Variants in PRH1 observed in about 807,000 individuals in gnomAD.
The protein encoded by PRH1 is salivary acidic proline-rich phosphoprotein 1/2.
PRH1 carries 7 observed loss-of-function variants against 7.9 expected under a neutral mutation model. The observed-to-expected ratio is 0.89, with a 90% CI of 0.50 to 1.67. PRH1 has a LOEUF of 1.67. Ranked by LOEUF, PRH1 falls within the 40% of genes most tolerant of loss-of-function variation. The probability of loss-of-function intolerance (pLI) is 0.00; values close to 1 mark genes in which losing one functional copy is unlikely to be tolerated. For missense variants in PRH1, 109 were observed against 223.6 expected (o/e 0.49, Z 3.27); for synonymous variants, 45 against 80.8 (o/e 0.56, Z 2.38).
chr12:11,037,530 G>T (rs186737976), intron 1 of PRH1, among the ~76,000 whole-genome samples: 1,591 of 152,036 alleles, frequency 0.01, 30 homozygotes, highest in African/African-American at 0.036. Context: ...ACACATTTTT[G>T]GATATATTTA....
At chr12:10,884,295 A>G (rs1167694230), upstream of PRH1, 2 of 1,597,232 alleles carry the variant, frequency 1.3e-6, no homozygotes, top group Admixed American at 1.7e-5. Flanking sequence ...GACAAGCAGG[A>G]CAATGGTGCA....
intron 1 of PRH1, among the ~76,000 whole-genome samples, chr12:10,989,464 T>C (rs11054134): frequency 2.6e-5 from 4 of 151,998 alleles, no homozygotes; most frequent in African/African-American, 7.2e-5. Flanking sequence ...CATAGAAAGA[T>C]AATTACAGGG....
At chr12:11,147,320 T>A (rs544181647) in intron 1 of PRH1, among the ~76,000 whole-genome samples, 4 of 152,164 alleles carry the variant, frequency 2.6e-5, no homozygotes, top group African/African-American at 7.2e-5. Flanking sequence ...ACTGAGTAGC[T>A]GTGACTACAG....
At chr12:10,914,866 C>T (rs1342967856) in intron 2 of PRH1, among the ~76,000 whole-genome samples, 5 of 152,170 alleles carry the variant, frequency 3.3e-5, no homozygotes, top group East Asian at 1.9e-4. Flanking sequence ...CGGTGGCTCA[C>T]GCCTGTAATC....
chr12:10,883,541 A>T (rs1283040013), intron 1 of PRH1, among the ~76,000 whole-genome samples: 2 of 152,092 alleles, frequency 1.3e-5, no homozygotes, highest in Admixed American at 6.5e-5. Flanking sequence ...GCCCTCTTTC[A>T]TCTGTAAATA....
At chr12:11,056,839 G>A (rs1437262938) in intron 1 of PRH1, among the ~76,000 whole-genome samples, 1 of 127,722 alleles carries the variant, frequency 7.8e-6, no homozygotes, top group African/African-American at 2.7e-5. Context: ...AACAAAAAAA[G>A]CAGATGATAA....
intron 1 of PRH1, among the ~76,000 whole-genome samples, chr12:11,018,686 G>A (rs368125518): frequency 5.4e-5 from 5 of 92,696 alleles, no homozygotes; most frequent in Non-Finnish European, 1.1e-4. Flanking sequence ...GAAAGTGAAC[G>A]TTTTATAAAG....
At chr12:11,160,491 G>C (rs1409335072) in intron 1 of PRH1, among the ~76,000 whole-genome samples, 1 of 152,070 alleles carries the variant, frequency 6.6e-6, no homozygotes, top group East Asian at 1.9e-4. Context: ...GTTTTTTTGA[G>C]ACAGAGTGAG....
chr12:11,044,880 T>A (rs1942848699), intron 1 of PRH1, among the ~76,000 whole-genome samples: 1 of 152,152 alleles, frequency 6.6e-6, no homozygotes, highest in African/African-American at 2.4e-5. Flanking sequence ...GTAAAACCAC[T>A]ATGGAAAACC....
chr12:11,070,026 C>T (rs1468256451), intron 1 of PRH1, among the ~76,000 whole-genome samples: 8 of 152,226 alleles, frequency 5.3e-5, no homozygotes, highest in South Asian at 2.1e-4. Context: ...TTTTACAGTA[C>T]GTAGTTAGTC....
At chr12:11,150,936 G>C (rs556975377) in intron 1 of PRH1, among the ~76,000 whole-genome samples, 1 of 152,072 alleles carries the variant, frequency 6.6e-6, no homozygotes, top group East Asian at 1.9e-4. Flanking sequence ...TTTGTTTTTT[G>C]CCAACTGTGT....
intron 1 of PRH1, chr12:11,166,480 A>G (rs1257673942): frequency 6.6e-6 from 1 of 152,188 alleles, no homozygotes; most frequent in Non-Finnish European, 1.5e-5. Context: ...GCTATTGCCC[A>G]ATATCAGAGT....
chr12:10,882,678 A>G lies in PRH1; in HGVS notation c.121T>C (p.Phe41Leu). 6.4e-7 allele frequency: 1 copy of G among 1,556,772 alleles called. No homozygotes were observed. The highest frequency in any genetic ancestry group is 8.7e-7 in the Non-Finnish European group (1 of 1,149,860). Reference sequence around the variant, plus strand: ...GGTCCCTGACGCTCCTCATCTAGGAACTGCTCAGAGTCTCCTCCATCTGTG... The same window carrying G: ...GGTCCCTGACGCTCCTCATCTAGGAGCTGCTCAGAGTCTCCTCCATCTGTG... The part of the protein sequence containing the change: ...VISDGGDSEQ[F>L]LDEERQGPPL... The change falls in exon 3 of 4, where the codon TTC (phenylalanine) becomes CTC (leucine). Residue 41 changes from phenylalanine (F) to leucine (L), a missense_variant. Coordinates refer to ENST00000543626, the MANE Select transcript of PRH1 (RefSeq NM_001393989.1).
chr12:10,966,254 T>G (rs1237583440), intron 2 of PRH1, among the ~76,000 whole-genome samples: 1 of 152,220 alleles, frequency 6.6e-6, no homozygotes, highest in East Asian at 1.9e-4. Context: ...TCAACATTTT[T>G]GTAAATATTC....
At chr12:11,050,403 A>T (rs1229423433), upstream of PRH1, among the ~76,000 whole-genome samples, 2 of 152,234 alleles carry the variant, frequency 1.3e-5, no homozygotes, top group African/African-American at 4.8e-5. Context: ...TGGCTCAGGA[A>T]TACCCTTAAG....
At chr12:10,996,251 C>T (rs1333867884) in intron 1 of PRH1, among the ~76,000 whole-genome samples, 1 of 151,864 alleles carries the variant, frequency 6.6e-6, no homozygotes, top group Non-Finnish European at 1.5e-5. Context: ...ATCACTTGAA[C>T]CCCAGAGGTG....
chr12:10,943,736 T>C (rs1950440729), intron 2 of PRH1, among the ~76,000 whole-genome samples: 1 of 152,234 alleles, frequency 6.6e-6, no homozygotes, highest in African/African-American at 2.4e-5. Flanking sequence ...CATTTTGACT[T>C]GATTTTTTTA....
chr12:10,946,233 G>A (rs988786354), intron 2 of PRH1, among the ~76,000 whole-genome samples: 3 of 152,226 alleles, frequency 2.0e-5, no homozygotes, highest in African/African-American at 7.2e-5. Context: ...AGAGATTGCA[G>A]TAAAGACAGG....
intron 1 of PRH1, among the ~76,000 whole-genome samples, chr12:11,065,032 A>C (rs1485877269): frequency 6.6e-6 from 1 of 152,054 alleles, no homozygotes; most frequent in Non-Finnish European, 1.5e-5. Context: ...TTGAGACTCC[A>C]ACTCCACATA....
Sources: allele counts gnomAD v4.1 joint callset (sites outside exome capture counted in the v4.1 genomes callset), GRCh38; gene constraint gnomAD v4.1.1; transcripts MANE v1.5; gene names NCBI Gene and HGNC (gene_info 2026-07-23, HGNC 2026-07-21).